Variants in CALN1 observed in about 807,000 individuals in gnomAD.
CALN1 encodes the protein calcium-binding protein 8.
Under a neutral mutation model 30.6 loss-of-function variants are expected in CALN1, and 17 were observed. The observed-to-expected ratio is 0.56, with a 90% CI of 0.38 to 0.83. The LOEUF (loss-of-function observed/expected upper bound fraction) is 0.83, where lower values mean the gene tolerates loss of function less well. Among genes scored for constraint, CALN1 ranks in the 40% least tolerant of loss-of-function variants. The pLI is 0.00. For missense variants in CALN1, 291 were observed against 354.9 expected, an observed-to-expected ratio of 0.82 and a Z score of 1.45; for synonymous variants, 156 against 131.4, an observed-to-expected ratio of 1.19 and a Z score of -1.28.
At chr7:72,451,504 G>C (rs1808663294), upstream of CALN1, among the ~76,000 whole-genome samples, 1 of 152,068 alleles carries the variant, frequency 6.6e-6, no homozygotes, top group Non-Finnish European at 1.5e-5. Context: ...CAACTCTCCT[G>C]GGGCCCCTAG....
At chr7:72,127,059 A>G (rs1216691132) in intron 3 of CALN1, among the ~76,000 whole-genome samples, 1 of 151,922 alleles carries the variant, frequency 6.6e-6, no homozygotes, top group Non-Finnish European at 1.5e-5. Flanking sequence ...GAGAGGAAGT[A>G]GTGTATTTAA....
intron 2 of CALN1, among the ~76,000 whole-genome samples, chr7:72,403,006 G>A (rs989970566): frequency 5.9e-5 from 9 of 152,124 alleles, no homozygotes; most frequent in African/African-American, 2.2e-4. Context: ...AAACAAGCAT[G>A]TCCCTCCCCA....
intron 3 of CALN1, among the ~76,000 whole-genome samples, chr7:72,273,438 C>T (rs576058722): frequency 1.6e-4 from 20 of 128,268 alleles, no homozygotes; most frequent in East Asian, 1.2e-3. Context: ...AAAAAAAAAG[C>T]GGCGGGCGGG....
At chr7:72,356,143 T>C (rs1803210031) in intron 2 of CALN1, among the ~76,000 whole-genome samples, 1 of 152,146 alleles carries the variant, frequency 6.6e-6, no homozygotes, top group South Asian at 2.1e-4. Flanking sequence ...AATTTAAAAG[T>C]TAAAGATTGT....
intron 2 of CALN1, among the ~76,000 whole-genome samples, chr7:72,354,778 C>T (rs1052889266): frequency 8.6e-5 from 13 of 151,988 alleles, no homozygotes; most frequent in Non-Finnish European, 1.8e-4. Context: ...TTTATTTACC[C>T]TATAGGCAAA....
intron 5 of CALN1, among the ~76,000 whole-genome samples, chr7:71,882,031 A>G (rs888027600): frequency 3.3e-5 from 5 of 152,076 alleles, no homozygotes; most frequent in Admixed American, 1.3e-4. Flanking sequence ...TGATTGTGCT[A>G]CTGGACTCCA....
At chr7:71,940,261 T>C (rs1207648022) in intron 5 of CALN1, among the ~76,000 whole-genome samples, 1 of 152,224 alleles carries the variant, frequency 6.6e-6, no homozygotes, top group African/African-American at 2.4e-5. Flanking sequence ...TTACAGTTTA[T>C]GAGTTGGTGA....
At position 71,787,781 on chromosome 7, in the gene CALN1, C is replaced by A. The variant is rs746157759; in HGVS notation, c.780G>T (p.Met260Ile). 1 of 1,613,890 alleles carries A rather than the reference C, an allele frequency of 6.2e-7. No homozygotes were observed. Among genetic ancestry groups the A allele is most frequent in the Admixed American group, 1.7e-5 (1 of 60,008 alleles). ...TGTGGCTGGCGGGAGGCTGCTACTC[C>A]ATGCCGCTCCGGAGTATCTGGTTGG... is the stretch of plus-strand genomic sequence containing the variant. ...IAANQILRSG[M>I]E Residue 260 changes from methionine to isoleucine, a missense_variant, in exon 7 of 7, where the codon ATG becomes ATT. By Grantham distance (10) the Met-to-Ile change is conservative (BLOSUM62 1). Coordinates refer to ENST00000395275, the MANE Select transcript of CALN1 (RefSeq NM_031468.4).
chr7:72,228,072 C>T (rs1446051991), intron 3 of CALN1, among the ~76,000 whole-genome samples: 7 of 152,004 alleles, frequency 4.6e-5, no homozygotes, highest in African/African-American at 9.7e-5. Context: ...GAACCAAGTG[C>T]TGCTGTCTGT....
At chr7:72,242,838 A>G (rs896499318) in intron 3 of CALN1, among the ~76,000 whole-genome samples, 1 of 152,236 alleles carries the variant, frequency 6.6e-6, no homozygotes, top group South Asian at 2.1e-4. Context: ...CAGTAAGCCA[A>G]TATTACAACA....
chr7:71,812,427 T>C lies in CALN1; in HGVS notation c.502-1935A>G, dbSNP rs556850388. 1.3e-4 allele frequency among the ~76,000 whole-genome samples: 20 copies of C among 152,286 alleles called. No homozygotes were observed. In the South Asian group the frequency reaches 3.7e-3, roughly 28 times the overall value. On this transcript the variant is annotated intron_variant, in intron 5 of 6. Coordinates refer to ENST00000395275, the MANE Select transcript of CALN1 (RefSeq NM_031468.4). ...AAAGACACAGATCCCTGTAATACGA[T>C]AGCAAAACATTTGGTAAAACTGTTG...
chr7:72,501,312 C>T, the CALN1 span, among the ~76,000 whole-genome samples: 1 of 122,578 alleles, frequency 8.2e-6, no homozygotes, highest in Non-Finnish European at 1.6e-5. Context: ...GTGGAAGGAT[C>T]ACTTGAGACC....
At chr7:71,858,034 T>C (rs2116639093) in intron 5 of CALN1, among the ~76,000 whole-genome samples, 1 of 152,314 alleles carries the variant, frequency 6.6e-6, no homozygotes, top group Middle Eastern at 3.4e-3. Context: ...ACCCCTGATA[T>C]GGTTTGGCTG....
chr7:72,338,990 G>A (rs1476193382), intron 2 of CALN1, among the ~76,000 whole-genome samples: 1 of 128,986 alleles, frequency 7.8e-6, no homozygotes, highest in Non-Finnish European at 1.6e-5. Context: ...CCAACCTCTG[G>A]TAACCACTGG....
chr7:71,930,224 C>T (rs1395851662), intron 5 of CALN1, among the ~76,000 whole-genome samples: 11 of 152,166 alleles, frequency 7.2e-5, no homozygotes, highest in Non-Finnish European at 2.9e-5. Flanking sequence ...ATACAGAGTG[C>T]CAACTGTACT....
intron 5 of CALN1, among the ~76,000 whole-genome samples, chr7:71,819,575 C>T (rs1219468118): frequency 1.3e-5 from 2 of 152,204 alleles, no homozygotes; most frequent in African/African-American, 4.8e-5. Context: ...ACAATTACTT[C>T]TCTCCAGAAG....
At chr7:72,323,009 G>A (rs995718930) in intron 2 of CALN1, among the ~76,000 whole-genome samples, 2 of 151,078 alleles carry the variant, frequency 1.3e-5, no homozygotes, top group East Asian at 1.9e-4. Context: ...GGGAGGGGAG[G>A]GGAGGGGAAG....
intron 2 of CALN1, among the ~76,000 whole-genome samples, chr7:72,320,718 CCAG>C (rs1178663548): frequency 1.3e-5 from 2 of 151,694 alleles, no homozygotes; most frequent in Non-Finnish European, 2.9e-5. Flanking sequence ...ACCTGTAATT[CCAG>C]CTACTCGGGA....
intron 6 of CALN1, among the ~76,000 whole-genome samples, chr7:71,796,263 T>C (rs553135767): frequency 1.3e-5 from 2 of 152,266 alleles, no homozygotes; most frequent in South Asian, 4.1e-4. Flanking sequence ...TGAACATCCA[T>C]GCACATGTTT....
Sources: gnomAD v4.1 joint callset for allele counts (sites outside exome capture counted in the v4.1 genomes callset) on GRCh38, gnomAD v4.1.1 for gene constraint, MANE v1.5 for transcripts, NCBI Gene and HGNC (gene_info 2026-07-23, HGNC 2026-07-21) for gene names.